DNAH10: variants seen among roughly 807,000 people sequenced by gnomAD.
DNAH10 encodes the protein dynein axonemal heavy chain 10.
Under a neutral mutation model 506.6 loss-of-function variants are expected in DNAH10, and 348 were observed. That is an observed-to-expected ratio of 0.69 (90% CI 0.63 to 0.75). The LOEUF (loss-of-function observed/expected upper bound fraction) is 0.75, where lower values mean the gene tolerates loss of function less well. Among genes scored for constraint, DNAH10 ranks in the 30% least tolerant of loss-of-function variants. The probability of loss-of-function intolerance (pLI) is 0.00; values close to 1 mark genes in which losing one functional copy is unlikely to be tolerated. For missense variants in DNAH10, 5,179 were observed against 5,787.1 expected (o/e 0.89, Z 3.41); for synonymous variants, 2,059 against 2,198.6 (o/e 0.94, Z 1.78).
At chr12:123,852,678 A>C (rs1325570834) in intron 35 of DNAH10, among the ~76,000 whole-genome samples, 1 of 151,652 alleles carries the variant, frequency 6.6e-6, no homozygotes, top group Admixed American at 6.6e-5. Flanking sequence ...GTTCAAGCGG[A>C]TTCTCCTGCC....
intron 39 of DNAH10, among the ~76,000 whole-genome samples, chr12:123,864,176 T>A (rs1006392675): frequency 4.7e-5 from 7 of 148,814 alleles, no homozygotes; most frequent in African/African-American, 1.7e-4. Context: ...GACGGGGTCT[T>A]GCACTGTTGC....
At chr12:123,854,371 G>T (rs967519488) in intron 36 of DNAH10, among the ~76,000 whole-genome samples, 9 of 152,108 alleles carry the variant, frequency 5.9e-5, no homozygotes, top group African/African-American at 2.2e-4. Context: ...GCTATCTAAG[G>T]CTCTACGAAG....
At position 123,861,099 on chromosome 12, in the gene DNAH10, A is replaced by G. The variant is rs1433343806; in HGVS notation, c.6837A>G (p.Arg2279=). ...ACGGCATCCTGGACCCAACCACCCGAGACTGGACAGATGGGGTGTTGTCAA... is the reference window on the plus strand; with the variant it reads ...ACGGCATCCTGGACCCAACCACCCGGGACTGGACAGATGGGGTGTTGTCAA... ...ELYGILDPTT[R]DWTDGVLSNI... The change falls in exon 39 of 79, where the codon CGA becomes CGG. Residue 2279 remains arginine, a synonymous_variant. Transcript: ENST00000673944. 2 of 1,613,874 alleles carry G rather than the reference A, an allele frequency of 1.2e-6. No homozygotes were observed. Among genetic ancestry groups the G allele is most frequent in the East Asian group, 2.2e-5 (1 of 44,904 alleles).
In DNAH10 at chr12:123,894,648, G is replaced by T. The variant is rs754279052; in HGVS notation, c.9205G>T (p.Val3069Leu). The T allele has an allele frequency of 6.2e-6, 10 of 1,613,762 alleles. No homozygotes were observed. The highest frequency in any genetic ancestry group is 8.5e-6 in the Non-Finnish European group (10 of 1,179,846). ...AATCTCTCTTTCCTTTCAAGGTATG[G>T]TAAATAACACTGGTATTGACTGGTT... The part of the protein sequence containing the change: ...RTWCRNFPGM[V>L]NNTGIDWFMP... The change falls in exon 54 of 79, where the codon GTA becomes TTA. Residue 3069 changes from valine (V) to leucine (L), a missense_variant. By Grantham distance (32) the Val-to-Leu change is conservative. Around this residue, in one of 3 missense-constraint regions of DNAH10, gnomAD observed 4,844 missense variants for 5,430.5 expected, o/e 0.89. Coordinates refer to ENST00000673944, the MANE Select transcript of DNAH10 (RefSeq NM_001372106.1).
At position 123,762,419 on chromosome 12, in the gene DNAH10, T is replaced by G. The variant is rs879422956; in HGVS notation, c.83T>G (p.Leu28Arg). Residue 28 changes from leucine to arginine, a missense_variant, in exon 1 of 79, where the codon CTG (leucine) becomes CGG (arginine). Around this residue, in one of 3 missense-constraint regions of DNAH10, gnomAD observed 326 missense variants for 330.8 expected, o/e 0.99. Transcript: ENST00000673944. The surrounding 1 kb of genome is among the most constrained non-coding windows in gnomAD (Gnocchi z 5.0). ...ACCGACCCCCAGCTTTTCGAGGACC[T>G]GCTCAACCGCGACGACGGCCAGGGC... ...GITDPQLFED[L>R]LNRDDGQGED... 2.8e-5 allele frequency: 39 copies of G among 1,416,084 alleles called. No individual in the cohort carries two copies. Among genetic ancestry groups the G allele is most frequent in the Non-Finnish European group, 3.5e-5 (38 of 1,079,024 alleles). The allele number at this position is 1,416,084 out of a possible 1,614,324, so 87.7% of individuals were successfully genotyped here.
chr12:123,898,826 C>T lies in DNAH10; in HGVS notation c.9640+12C>T, dbSNP rs374230211. The T allele has an allele frequency of 4.4e-6, 7 of 1,595,698 alleles. No individual in the cohort carries two copies. Among genetic ancestry groups the T allele is most frequent in the Non-Finnish European group, 4.3e-6 (5 of 1,170,200 alleles). ...CAACACCGCTGTAGGTGAGTGAGGG[C>T]GGGGCCAGGGCAGCCCATCCCCAAC... On this transcript the variant is annotated intron_variant, in intron 56 of 78. Coordinates refer to ENST00000673944, the MANE Select transcript of DNAH10 (RefSeq NM_001372106.1).
At chr12:123,934,489 G>A in intron 77 of DNAH10, 132 bp from the exon 78 acceptor site, 1 of 1,112,026 alleles carries the variant, frequency 9.0e-7, no homozygotes, top group Non-Finnish European at 1.3e-6. Flanking sequence ...AGAAGGGCCT[G>A]GGCTGTCCCC....
chr12:123,931,869 A>G, intron 75 of DNAH10, 22 bp downstream of exon 75: 1 of 1,613,366 alleles, frequency 6.2e-7, no homozygotes, highest in Non-Finnish European at 8.5e-7. Flanking sequence ...TCTCATGTGC[A>G]GATTACTGCC....
At position 123,772,884 on chromosome 12, in the gene DNAH10, C is replaced by A; in HGVS notation, c.447C>A (p.Thr149=). 1 of 1,612,822 alleles carries A rather than the reference C, an allele frequency of 6.2e-7. No homozygotes were observed. Among genetic ancestry groups the A allele is most frequent in the African/African-American group, 1.3e-5 (1 of 74,960 alleles). Residue 149 remains threonine (T), a synonymous_variant, in exon 4 of 79, where the codon ACC becomes ACA. Transcript: ENST00000673944. ...AGATGCATCTCCACATGCTCTGTAC[C>A]CCTCTTCCCGAGGAGTTCCTGGACC... ...MEKMHLHMLC[T]PLPEEFLDQN...
Position 123,765,615 on chromosome 12 carries a change from T to C in DNAH10, c.215-1991T>C, listed in dbSNP as rs551241212. Among the ~76,000 whole-genome samples the C allele has an allele frequency of 3.3e-5, 5 of 151,166 alleles. No homozygotes were observed. The South Asian group carries it at 8.3e-4, about 25-fold the overall frequency. On this transcript the variant is annotated intron_variant, in intron 1 of 78. Transcript: ENST00000673944. ...ATCTATCTATACATACCTCTATCTA[T>C]ACATCTATTTATCTATCTCCTGTCT...
At position 123,902,449 on chromosome 12, in the gene DNAH10, C is replaced by T. The variant is rs569127017; in HGVS notation, c.9641-490C>T. On this transcript the variant is annotated intron_variant, in intron 56 of 78. Coordinates refer to ENST00000673944, the MANE Select transcript of DNAH10 (RefSeq NM_001372106.1). The surrounding 1 kb of genome is among the most constrained non-coding windows in gnomAD (Gnocchi z 4.5). Reference sequence around the variant, plus strand: ...TCAGCCAGTGGTGAAATGAAACTTCCGATTGCGATTGGTGTCATGAAGCAA... The same window carrying T: ...TCAGCCAGTGGTGAAATGAAACTTCTGATTGCGATTGGTGTCATGAAGCAA... Among the ~76,000 whole-genome samples the T allele has an allele frequency of 3.3e-5, 5 of 152,118 alleles. No homozygotes were observed. Among genetic ancestry groups the T allele is most frequent in the Admixed American group, 6.5e-5 (1 of 15,292 alleles).
chr12:123,813,081 CT>C (rs764264069), intron 19 of DNAH10, 82 bp from the exon 20 acceptor site: 11 of 949,156 alleles, frequency 1.2e-5, no homozygotes, highest in Non-Finnish European at 1.8e-5. Context: ...ACTGGCAAGA[CT>C]TATTACTGAA....
At position 123,813,549 on chromosome 12, in the gene DNAH10, A is replaced by G; in HGVS notation, c.3530A>G (p.Gln1177Arg). Residue 1177 changes from glutamine to arginine, a missense_variant, in exon 20 of 79, where the codon CAG becomes CGG. Transcript: ENST00000673944. ...LQLRHLANTVQENAKSWVISL... is the reference protein window; with the variant it reads ...LQLRHLANTVRENAKSWVISL... ...CTCAGGCATCTGGCAAACACAGTGC[A>G]GGAAAATGCCAAGTCCTGGGTGATT... 1 of 1,614,232 alleles carries G rather than the reference A, an allele frequency of 6.2e-7. No homozygotes were observed. The highest frequency in any genetic ancestry group is 8.5e-7 in the Non-Finnish European group (1 of 1,180,032).
At chr12:123,802,152 C>G (rs1054515561) in intron 16 of DNAH10, among the ~76,000 whole-genome samples, 1 of 152,198 alleles carries the variant, frequency 6.6e-6, no homozygotes, top group Non-Finnish European at 1.5e-5. Context: ...TGAAGGACAA[C>G]TAGGTTGTTT....
In DNAH10 at chr12:123,931,419, C is replaced by T. The variant is rs1438700146; in HGVS notation, c.12863C>T (p.Thr4288Met). Residue 4288 changes from threonine (T) to methionine (M), a missense_variant, in exon 74 of 79, where the codon ACG becomes ATG. Physicochemically the swap from Thr to Met is moderately conservative, Grantham distance 81. Around this residue, in one of 3 missense-constraint regions of DNAH10, gnomAD observed 4,844 missense variants for 5,430.5 expected, o/e 0.89. Transcript: ENST00000673944. Reference protein sequence around the residue: ...LHPNAEIGYYTQAARDMWAHL... With the variant: ...LHPNAEIGYYMQAARDMWAHL... ...CCCAACGCTGAGATTGGCTATTACA[C>T]GCAGGCGGCTCGAGACATGTGGGCT... 7.4e-6 allele frequency: 12 copies of T among 1,613,878 alleles called. No individual in the cohort carries two copies. The highest frequency in any genetic ancestry group is 1.6e-4 in the Middle Eastern group (1 of 6,080).
At chr12:123,789,799 C>T (rs979462649) in intron 10 of DNAH10, 128 bp from the exon 11 acceptor site, 60 of 842,088 alleles carry the variant, frequency 7.1e-5, no homozygotes, top group East Asian at 1.3e-4. Flanking sequence ...GGGCTTAGTC[C>T]GGGAGGAGGT....
chr12:123,903,424 G>A lies in DNAH10; in HGVS notation c.9815+311G>A. Among the ~76,000 whole-genome samples the A allele has an allele frequency of 6.6e-6, 1 of 152,316 alleles. No individual in the cohort carries two copies. Among genetic ancestry groups the A allele is most frequent in the East Asian group, 1.9e-4 (1 of 5,182 alleles). ...AGTGCTCTTCACGGAACATGCGGGG[G>A]CAAGTGTCCGCCCTAAGCAGGGGCA... On this transcript the variant is annotated intron_variant, in intron 57 of 78. Transcript: ENST00000673944. The surrounding 1 kb of genome is among the most constrained non-coding windows in gnomAD (Gnocchi z 4.6).
intron 72 of DNAH10, chr12:123,930,058 A>G: frequency 1.8e-6 from 1 of 545,520 alleles, no homozygotes; most frequent in Non-Finnish European, 3.2e-6. Context: ...GGTGGTCTGC[A>G]CACGGCTCAG....
chr12:123,763,590 G>T (rs1388217289), intron 1 of DNAH10, among the ~76,000 whole-genome samples: 8 of 147,568 alleles, frequency 5.4e-5, no homozygotes, highest in African/African-American at 2.0e-4. Context: ...TTGAGATAGG[G>T]TCTCACTTTG....
Sources: gnomAD v4.1 joint callset for allele counts (sites outside exome capture counted in the v4.1 genomes callset) on GRCh38, gnomAD v4.1.1 for gene constraint, gnomAD v4.1.1 regional missense constraint, Gnocchi (gnomAD v3.1) non-coding constraint, MANE v1.5 for transcripts, NCBI Gene and HGNC (gene_info 2026-07-23, HGNC 2026-07-21) for gene names.